Variants in KDM1B observed in about 807,000 individuals in gnomAD.
KDM1B encodes lysine demethylase 1B.
A neutral mutation model predicts 107.4 loss-of-function variants in KDM1B; 63 were observed. The ratio of observed to expected loss-of-function variants is 0.59; its 90% CI spans 0.48 to 0.72. The LOEUF (loss-of-function observed/expected upper bound fraction) is 0.72, where lower values mean the gene tolerates loss of function less well. Among genes scored for constraint, KDM1B ranks in the 30% least tolerant of loss-of-function variants. KDM1B has a pLI of 0.00. For synonymous variants in KDM1B, 363 were observed against 363.9 expected (o/e 1.00, Z 0.03); for missense variants, 749 against 1,020.8 (o/e 0.73, Z 3.63).
chr6:18,158,556 G>A (rs909356257), intron 2 of KDM1B, among the ~76,000 whole-genome samples: 38 of 152,050 alleles, frequency 2.5e-4, no homozygotes, highest in African/African-American at 9.2e-4. Context: ...GTATTTTATG[G>A]TTCCACTTTT....
intron 4 of KDM1B, among the ~76,000 whole-genome samples, chr6:18,161,770 G>A (rs1413354370): frequency 6.6e-6 from 1 of 152,024 alleles, no homozygotes; most frequent in Non-Finnish European, 1.5e-5. Context: ...ACAGTAGAGA[G>A]AACTCATGAG....
chr6:18,218,457 C>T (rs781112293), intron 21 of KDM1B, among the ~76,000 whole-genome samples: 1 of 152,130 alleles, frequency 6.6e-6, no homozygotes, highest in Admixed American at 6.6e-5. Flanking sequence ...ATTAGACAGA[C>T]ATTATTGACT....
At chr6:18,199,901 C>T (rs1367987692) in intron 12 of KDM1B, among the ~76,000 whole-genome samples, 1 of 152,064 alleles carries the variant, frequency 6.6e-6, no homozygotes, top group Non-Finnish European at 1.5e-5. Context: ...TTTTTTGAGA[C>T]AAGGTCTCAC....
In KDM1B at chr6:18,213,673, G is replaced by A. The variant is rs199782218; in HGVS notation, c.2001G>A (p.Pro667=). 66 of 1,613,960 alleles carry A rather than the reference G, an allele frequency of 4.1e-5. No individual in the cohort carries two copies. The highest frequency in any genetic ancestry group is 1.6e-4 in the Middle Eastern group (1 of 6,082). ...GIIEKIALQF[P]YRFWDSKVQG... ...CTTTGCAGATTGCCTTGCAATTTCC[G>A]TATAGATTTTGGGACAGTAAAGTAC... Residue 667 remains proline, a synonymous_variant, in exon 19 of 22, where the codon CCG becomes CCA. Transcript: ENST00000650836. This position sits in a 1 kb window ranked among gnomAD's most constrained non-coding sequence, Gnocchi z 5.9.
At chr6:18,160,239 G>A (rs1784886214) in intron 3 of KDM1B, among the ~76,000 whole-genome samples, 1 of 152,230 alleles carries the variant, frequency 6.6e-6, no homozygotes, top group South Asian at 2.1e-4. Context: ...ATTCACGGCT[G>A]TGTGGTTGCT....
At chr6:18,210,362 T>TTTTTTTTTTTTTTTTTTTTTTTTTTTTTG (rs1788769785) in intron 17 of KDM1B, among the ~76,000 whole-genome samples, 1 of 101,932 alleles carries the variant, frequency 9.8e-6, no homozygotes, top group Non-Finnish European at 1.9e-5. Flanking sequence ...TTTTTTTTTT[T>TTTTTTTTTTTTTTTTTTTTTTTTTTTTTG]TTTTTTTTTT....
intron 7 of KDM1B, among the ~76,000 whole-genome samples, chr6:18,178,197 C>T (rs1024830091): frequency 4.6e-5 from 7 of 152,124 alleles, no homozygotes; most frequent in Non-Finnish European, 1.0e-4. Flanking sequence ...ATTCTCCTGC[C>T]TCAGCCTCCT....
At chr6:18,184,198 T>C (rs1468224097) in intron 7 of KDM1B, among the ~76,000 whole-genome samples, 7 of 151,670 alleles carry the variant, frequency 4.6e-5, no homozygotes, top group Admixed American at 3.3e-4. Flanking sequence ...ATCATATAGT[T>C]TTGTTTTGTT....
rs1177269256 is a variant in KDM1B at position 18,191,195 on chromosome 6, A to G, written c.785-2A>G. ...GAGTTGCCCATTTGTGTTACCTATC[A>G]GTTCCAGGCATGAACCGATACTTCC... is the stretch of plus-strand genomic sequence containing the variant. On this transcript the variant is annotated splice_acceptor_variant, in intron 9 of 21. Coordinates refer to ENST00000650836, the MANE Select transcript of KDM1B (RefSeq NM_001364614.2). LOFTEE classifies it high-confidence loss of function. The surrounding 1 kb of genome is among the most constrained non-coding windows in gnomAD (Gnocchi z 5.1). 6.5e-7 allele frequency: 1 copy of G among 1,549,188 alleles called. No individual in the cohort carries two copies. The highest frequency in any genetic ancestry group is 1.4e-5 in the African/African-American group (1 of 72,974).
chr6:18,175,944 A>C (rs995552130), intron 7 of KDM1B, among the ~76,000 whole-genome samples: 1 of 152,068 alleles, frequency 6.6e-6, no homozygotes, highest in African/African-American at 2.4e-5. Flanking sequence ...TGCTTTGGCT[A>C]TGCGGGCTCT....
At chr6:18,180,716 C>G (rs891014907) in intron 7 of KDM1B, among the ~76,000 whole-genome samples, 2 of 152,148 alleles carry the variant, frequency 1.3e-5, no homozygotes, top group African/African-American at 4.8e-5. Context: ...CAGGTGCTCA[C>G]CACCACGCCC....
At chr6:18,184,273 C>CTTTTT (rs1163110910) in intron 7 of KDM1B, among the ~76,000 whole-genome samples, 4,095 of 116,396 alleles carry the variant, frequency 0.035, 146 homozygotes, top group African/African-American at 0.059. Flanking sequence ...GTTCTAGCTT[C>CTTTTT]TTTTTTTTTT....
intron 7 of KDM1B, among the ~76,000 whole-genome samples, chr6:18,185,014 G>A (rs1270461701): frequency 6.6e-6 from 1 of 151,970 alleles, no homozygotes; most frequent in East Asian, 1.9e-4. Flanking sequence ...ATAGGCATGA[G>A]CCACTGAGCC....
intron 5 of KDM1B, among the ~76,000 whole-genome samples, chr6:18,163,835 C>G (rs533720353): frequency 6.6e-6 from 1 of 151,942 alleles, no homozygotes; most frequent in East Asian, 1.9e-4. Flanking sequence ...CTTTATGGCC[C>G]GTAATGTAGT....
chr6:18,162,991 C>G lies in KDM1B; in HGVS notation c.305+67C>G. The G allele has an allele frequency of 1.1e-6, 1 of 938,140 alleles. No homozygotes were observed. The highest frequency in any genetic ancestry group is 1.6e-5 in the African/African-American group (1 of 61,850). The allele number at this position is 938,140 out of a possible 1,614,324, so 58.1% of individuals were successfully genotyped here. A position where few individuals can be genotyped will look rare whatever the true frequency, so the allele number is the denominator to read the frequency against. On this transcript the variant is annotated intron_variant, in intron 5 of 21. Coordinates refer to ENST00000650836, the MANE Select transcript of KDM1B (RefSeq NM_001364614.2). This position sits in a 1 kb window ranked among gnomAD's most constrained non-coding sequence, Gnocchi z 4.1. Reference sequence around the variant, plus strand: ...CCGTGGCAGGGGCAGTGCGTGTGGTCAGCTGATTAAAGCTTAGTCTCGAGG... The same window carrying G: ...CCGTGGCAGGGGCAGTGCGTGTGGTGAGCTGATTAAAGCTTAGTCTCGAGG...
rs1200692244 is a variant in KDM1B at position 18,191,505 on chromosome 6, A to G, written c.969+124A>G. 6 of 1,058,294 alleles carry G rather than the reference A, an allele frequency of 5.7e-6. No homozygotes were observed. The Admixed American group carries it at 1.6e-4, about 29-fold the overall frequency. 65.6% of individuals were successfully genotyped at this position (1,058,294 alleles called of 1,614,324 possible). On this transcript the variant is annotated intron_variant, in intron 10 of 21. Coordinates refer to ENST00000650836, the MANE Select transcript of KDM1B (RefSeq NM_001364614.2). This position sits in a 1 kb window ranked among gnomAD's most constrained non-coding sequence, Gnocchi z 5.1. ...TTTCTCAGCCGTGCCTCTGTTGACA[A>G]TTTGGGCAGATAATTCTTTGTGGTG... is the stretch of plus-strand genomic sequence containing the variant.
intron 10 of KDM1B, among the ~76,000 whole-genome samples, chr6:18,196,579 A>G (rs1787668720): frequency 4.6e-5 from 7 of 152,176 alleles, no homozygotes; most frequent in Admixed American, 4.6e-4. Flanking sequence ...GATGGTGAGG[A>G]GTTTTTCATA....
intron 7 of KDM1B, among the ~76,000 whole-genome samples, chr6:18,176,767 G>A (rs1218564552): frequency 6.6e-6 from 1 of 152,116 alleles, no homozygotes; most frequent in African/African-American, 2.4e-5. Context: ...TTATTGATTT[G>A]CATATGTTAA....
Position 18,197,069 on chromosome 6 carries a change from C to G in KDM1B, c.982C>G (p.Pro328Ala), listed in dbSNP as rs780959231. ...WYTNCKEALT[P>A]QKCIPHIIVR... ...TTTCCAAACACAGGAAGCTCTTACTCCTCAGAAATGTATTCCTCACATCAT... is the reference window on the plus strand; with the variant it reads ...TTTCCAAACACAGGAAGCTCTTACTGCTCAGAAATGTATTCCTCACATCAT... Residue 328 changes from proline to alanine, a missense_variant, in exon 11 of 22, where the codon CCT (proline) becomes GCT (alanine). Pro to Ala is a conservative substitution (Grantham distance 27). Transcript: ENST00000650836. The surrounding 1 kb of genome is among the most constrained non-coding windows in gnomAD (Gnocchi z 4.5). The G allele has an allele frequency of 7.0e-5, 112 of 1,610,534 alleles. No homozygotes were observed. Among genetic ancestry groups the G allele is most frequent in the Non-Finnish European group, 9.1e-5 (107 of 1,177,624 alleles).
Sources: gnomAD v4.1 joint callset for allele counts (sites outside exome capture counted in the v4.1 genomes callset) on GRCh38, gnomAD v4.1.1 for gene constraint, Gnocchi (gnomAD v3.1) non-coding constraint, MANE v1.5 for transcripts, NCBI Gene and HGNC (gene_info 2026-07-23, HGNC 2026-07-21) for gene names.